Variants in CTNNBL1 observed in about 807,000 individuals in gnomAD.
The protein encoded by CTNNBL1 is beta-catenin-like protein 1.
CTNNBL1 carries 31 observed loss-of-function variants against 72.7 expected under a neutral mutation model. The ratio of observed to expected loss-of-function variants is 0.43; its 90% confidence interval spans 0.32 to 0.58. CTNNBL1 has a LOEUF of 0.58. CTNNBL1 is among the 20% of genes least tolerant of loss of function. The probability of loss-of-function intolerance (pLI) is 0.08; values close to 1 mark genes in which losing one functional copy is unlikely to be tolerated. For synonymous variants in CTNNBL1, 240 were observed against 267.3 expected, an observed-to-expected ratio of 0.90 and a Z score of 1.00; for missense variants, 534 against 725.1, an observed-to-expected ratio of 0.74 and a Z score of 3.03.
chr20:37,856,198 C>T, intron 13 of CTNNBL1, among the ~76,000 whole-genome samples: 1 of 58,720 alleles, frequency 1.7e-5, no homozygotes, highest in Non-Finnish European at 3.4e-5. Flanking sequence ...AAAACTCCTT[C>T]TCAAAAAAAA....
At chr20:37,833,955 C>T (rs938996062) in intron 11 of CTNNBL1, among the ~76,000 whole-genome samples, 2 of 152,162 alleles carry the variant, frequency 1.3e-5, no homozygotes, top group Admixed American at 1.3e-4. Context: ...CACCAGTAGC[C>T]TATGGCGTGC....
intron 3 of CTNNBL1, among the ~76,000 whole-genome samples, chr20:37,738,933 A>G (rs1189764993): frequency 6.6e-6 from 1 of 152,144 alleles, no homozygotes; most frequent in Admixed American, 6.5e-5. Context: ...TGTGGATGAG[A>G]AGGCAGAGTG....
At chr20:37,854,551 ATATTATTATTATTATTATTATTATTAT>A (rs139266490) in intron 13 of CTNNBL1, among the ~76,000 whole-genome samples, 59 of 129,276 alleles carry the variant, frequency 4.6e-4, no homozygotes, top group South Asian at 5.4e-4. Flanking sequence ...CTGCCTCTCA[ATATTATTATTATTATTATTATTATTAT>A]TATTATTATT....
chr20:37,845,820 C>G (rs995754042), intron 13 of CTNNBL1, among the ~76,000 whole-genome samples: 1 of 152,212 alleles, frequency 6.6e-6, no homozygotes, highest in Non-Finnish European at 1.5e-5. Context: ...AAGACTTTGA[C>G]TATCAGATCA....
chr20:37,740,749 C>A (rs565568312), intron 3 of CTNNBL1, among the ~76,000 whole-genome samples: 3 of 152,300 alleles, frequency 2.0e-5, no homozygotes, highest in African/African-American at 7.2e-5. Context: ...TGTCATGGAG[C>A]CCTTCAGAAA....
rs573051326 is a variant in CTNNBL1 at position 37,841,725 on chromosome 20, CT to C, written c.1312-613del. On this transcript the variant is annotated intron_variant, in intron 12 of 15. Coordinates refer to ENST00000361383, the MANE Select transcript of CTNNBL1 (RefSeq NM_030877.5). Reference sequence around the variant, plus strand: ...AAAAAACAAAACTTTTTCAAATCCACTGAGTGTTCCTCAAGCCATGTTTGAA... The same window carrying C: ...AAAAAACAAAACTTTTTCAAATCCACGAGTGTTCCTCAAGCCATGTTTGAA... Among the ~76,000 whole-genome samples the C allele has an allele frequency of 8.5e-5, 13 of 152,328 alleles. No individual in the cohort carries two copies. In the South Asian group the frequency reaches 2.7e-3, roughly 32 times the overall value.
At chr20:37,772,313 G>A (rs2073532211) in intron 7 of CTNNBL1, among the ~76,000 whole-genome samples, 1 of 152,152 alleles carries the variant, frequency 6.6e-6, no homozygotes, top group South Asian at 2.1e-4. Context: ...CTGCAAAGTT[G>A]GAGTGGAGCC....
chr20:37,765,365 T>G (rs1568770205), intron 6 of CTNNBL1, 75 bp downstream of exon 6: 4 of 965,980 alleles, frequency 4.1e-6, no homozygotes, highest in Non-Finnish European at 6.5e-6. Flanking sequence ...TTTCCCTTCC[T>G]TCTTCATAAT....
chr20:37,750,302 G>A (rs983251440), intron 4 of CTNNBL1: 1 of 152,220 alleles, frequency 6.6e-6, no homozygotes, highest in Non-Finnish European at 1.5e-5. Flanking sequence ...TCTGATCTGT[G>A]AAGAGCATAT....
chr20:37,763,702 C>G (rs1020733287), intron 5 of CTNNBL1, among the ~76,000 whole-genome samples: 1 of 152,132 alleles, frequency 6.6e-6, no homozygotes, highest in African/African-American at 2.4e-5. Flanking sequence ...TTTTCTCCCT[C>G]CATTCTCTCC....
intron 4 of CTNNBL1, chr20:37,750,101 G>A (rs1016967680): frequency 6.6e-6 from 1 of 152,228 alleles, no homozygotes; most frequent in African/African-American, 2.4e-5. Context: ...AGCCTGGTTT[G>A]TTGTAACCTT....
At chr20:37,699,365 A>G (rs1160044482) in intron 1 of CTNNBL1, among the ~76,000 whole-genome samples, 2 of 152,208 alleles carry the variant, frequency 1.3e-5, no homozygotes, top group Non-Finnish European at 2.9e-5. Context: ...CAGACAAGTT[A>G]TCACATTTAA....
chr20:37,696,717 A>T (rs2072796069), intron 1 of CTNNBL1, among the ~76,000 whole-genome samples: 1 of 151,990 alleles, frequency 6.6e-6, no homozygotes, highest in Non-Finnish European at 1.5e-5. Flanking sequence ...TGCTGTGATT[A>T]CAGGCGTGAG....
chr20:37,837,522 G>T (rs1024649771), intron 11 of CTNNBL1, among the ~76,000 whole-genome samples: 8 of 152,240 alleles, frequency 5.3e-5, no homozygotes, highest in Admixed American at 4.6e-4. Flanking sequence ...GAAATTGATG[G>T]CGCCCTCAGA....
chr20:37,779,330 G>A lies in CTNNBL1; in HGVS notation c.1026G>A (p.Met342Ile). The change falls in exon 10 of 16, where the codon ATG (methionine) becomes ATA (isoleucine). Residue 342 changes from methionine (M) to isoleucine (I), a missense_variant. Physicochemically the swap from Met to Ile is conservative, Grantham distance 10. Coordinates refer to ENST00000361383, the MANE Select transcript of CTNNBL1 (RefSeq NM_030877.5). Reference protein sequence around the residue: ...KGEGLQLMNLMLREKKISRSS... With the variant: ...KGEGLQLMNLILREKKISRSS... ...AGGGTCTTCAGCTGATGAATCTCAT[G>A]CTCAGGTATGTTTCGAATGCCCTAG... 1 of 1,613,452 alleles carries A rather than the reference G, an allele frequency of 6.2e-7. No individual in the cohort carries two copies. The highest frequency in any genetic ancestry group is 8.5e-7 in the Non-Finnish European group (1 of 1,179,536).
intron 1 of CTNNBL1, among the ~76,000 whole-genome samples, chr20:37,717,877 A>G (rs1296808065): frequency 6.6e-6 from 1 of 152,156 alleles, no homozygotes; most frequent in Non-Finnish European, 1.5e-5. Context: ...TAATCCATTT[A>G]ACCCTGGGTG....
At chr20:37,830,114 G>A (rs554295658) in intron 11 of CTNNBL1, among the ~76,000 whole-genome samples, 3 of 136,130 alleles carry the variant, frequency 2.2e-5, no homozygotes, top group Admixed American at 8.0e-5. Context: ...GATTACAAGC[G>A]TGAGCCAACT....
chr20:37,857,672 T>C (rs1325750029), intron 13 of CTNNBL1, among the ~76,000 whole-genome samples: 15 of 152,182 alleles, frequency 9.9e-5, no homozygotes, highest in Admixed American at 9.8e-4. Flanking sequence ...AGTGGTGAGT[T>C]CTTTGAATGT....
At chr20:37,826,083 C>G (rs552702027) in intron 11 of CTNNBL1, among the ~76,000 whole-genome samples, 1 of 152,282 alleles carries the variant, frequency 6.6e-6, no homozygotes, top group South Asian at 2.1e-4. Flanking sequence ...TAGGAAACTT[C>G]ATGCCTTCTG....
Sources: gnomAD v4.1 joint callset for allele counts (sites outside exome capture counted in the v4.1 genomes callset) on GRCh38, gnomAD v4.1.1 for gene constraint, MANE v1.5 for transcripts, NCBI Gene and HGNC (gene_info 2026-07-23, HGNC 2026-07-21) for gene names.